The following SCARB2 variants were observed in gnomAD, a reference collection of about 807,000 sequenced individuals.
SCARB2 encodes lysosome membrane protein 2.
A neutral mutation model predicts 58.6 loss-of-function variants in SCARB2; 29 were observed. The observed-to-expected ratio is 0.49, with a 90% confidence interval of 0.37 to 0.67. SCARB2 has a LOEUF of 0.67. Ranked by LOEUF, SCARB2 falls within the 30% of genes least tolerant of loss-of-function variation. SCARB2 has a pLI of 0.00. For missense variants in SCARB2, 488 were observed against 578.5 expected (o/e 0.84, Z 1.60); for synonymous variants, 195 against 210.1 (o/e 0.93, Z 0.62).
In SCARB2 at chr4:76,171,894, A is replaced by G. The variant is rs28682558; in HGVS notation, c.995-1909T>C. On this transcript the variant is annotated intron_variant, in intron 7 of 11. Coordinates refer to ENST00000264896, the MANE Select transcript of SCARB2 (RefSeq NM_005506.4). ...TGGAAATCAGCTGGAGTACTTGTTA[A>G]AAGTGTAGATTCTGGGGCCCTGGTA... is the stretch of plus-strand genomic sequence containing the variant. 1.8e-3 allele frequency among the ~76,000 whole-genome samples: 278 copies of G among 152,170 alleles called. 1 individual carries two copies. The highest frequency in any genetic ancestry group is 6.3e-3 in the African/African-American group (263 of 41,516).
chr4:76,162,584 C>A (rs1731921771), intron 11 of SCARB2: 1 of 156,204 alleles, frequency 6.4e-6, no homozygotes, highest in African/African-American at 2.4e-5. Context: ...ATTTATTATG[C>A]AGTGATACCT....
At chr4:76,170,199 C>T (rs1303820416) in intron 7 of SCARB2, among the ~76,000 whole-genome samples, 2 of 152,040 alleles carry the variant, frequency 1.3e-5, no homozygotes, top group African/African-American at 2.4e-5. Context: ...TTTTTTATTC[C>T]ACATTATATA....
At chr4:76,173,315 C>G (rs915868636) in intron 7 of SCARB2, 1 of 121,938 alleles carries the variant, frequency 8.2e-6, no homozygotes, top group East Asian at 2.3e-4. Flanking sequence ...GAGTTGTCCA[C>G]TTTTTCTTTT....
chr4:76,179,968 A>G (rs1166050043), intron 3 of SCARB2: 5 of 494,320 alleles, frequency 1.0e-5, no homozygotes, highest in African/African-American at 7.8e-5. Context: ...AGACACCACA[A>G]AAGGGGAAAA....
chr4:76,162,849 T>C (rs1162337898), intron 11 of SCARB2: 2 of 421,554 alleles, frequency 4.7e-6, no homozygotes, highest in African/African-American at 4.0e-5. Context: ...TAGGGTCGTA[T>C]AGCTGTTAAG....
chr4:76,207,438 G>A (rs541345486), intron 1 of SCARB2, among the ~76,000 whole-genome samples: 2 of 152,300 alleles, frequency 1.3e-5, no homozygotes, highest in East Asian at 1.9e-4. Context: ...CTTGTTTAGT[G>A]TTATATCCAT....
intron 11 of SCARB2, chr4:76,162,832 C>G (rs1049641510): frequency 4.1e-5 from 14 of 345,562 alleles, no homozygotes; most frequent in Non-Finnish European, 7.4e-5. Flanking sequence ...AACTGAAGCA[C>G]AGTTTCTAGG....
Position 76,201,065 on chromosome 4 carries a change from G to T in SCARB2, c.118-5201C>A, listed in dbSNP as rs528203104. Among the ~76,000 whole-genome samples, 8 of 152,300 alleles carry T rather than the reference G, an allele frequency of 5.3e-5. No homozygotes were observed. In the East Asian group the frequency reaches 1.2e-3, roughly 22 times the overall value. Reference sequence around the variant, plus strand: ...GTGATCTGATGCAACTGCGTCACCTGTCGCTGTCTTTTCCTGGTAGGCACT... The same window carrying T: ...GTGATCTGATGCAACTGCGTCACCTTTCGCTGTCTTTTCCTGGTAGGCACT... On this transcript the variant is annotated intron_variant, in intron 1 of 11. Transcript: ENST00000264896.
rs1464448034 is a variant in SCARB2, at chr4:76,213,478, C to T, written c.66G>A (p.Thr22=). 1.9e-6 allele frequency: 3 copies of T among 1,610,922 alleles called. No homozygotes were observed. The African/African-American group carries it at 4.0e-5, about 22-fold the overall frequency. The change falls in exon 1 of 12, where the codon ACG becomes ACA. Residue 22 remains threonine (T), a synonymous_variant. Coordinates refer to ENST00000264896, the MANE Select transcript of SCARB2 (RefSeq NM_005506.4). ...LSLLLLVTSV[T]LLVARVFQKA... is the part of the protein sequence containing the mutation. ...TCTGGAAGACCCGGGCCACCAGCAG[C>T]GTGACGCTGGTCACCAGCAGGAGCA... is the stretch of plus-strand genomic sequence containing the variant.
intron 8 of SCARB2, among the ~76,000 whole-genome samples, chr4:76,168,831 G>A (rs558256616): frequency 6.6e-6 from 1 of 152,354 alleles, no homozygotes; most frequent in African/African-American, 2.4e-5. Context: ...AGGCCTAAAA[G>A]ATAGCCTGTC....
chr4:76,218,441 C>T (rs1202053583), upstream of SCARB2, among the ~76,000 whole-genome samples: 2 of 152,220 alleles, frequency 1.3e-5, no homozygotes, highest in African/African-American at 4.8e-5. Flanking sequence ...TATTATATCA[C>T]ATGCACCTGT....
chr4:76,211,031 G>A (rs1733033403), intron 1 of SCARB2, among the ~76,000 whole-genome samples: 1 of 152,138 alleles, frequency 6.6e-6, no homozygotes, highest in Non-Finnish European at 1.5e-5. Flanking sequence ...AGTAATACTA[G>A]TGGCAATAAA....
At chr4:76,194,369 T>TAAC (rs1732666164) in intron 2 of SCARB2, 2 of 152,182 alleles carry the variant, frequency 1.3e-5, no homozygotes. Flanking sequence ...ACTTTATACA[T>TAAC]GACTCATTGA....
intron 8 of SCARB2, 76 bp downstream of exon 8, chr4:76,169,791 T>C (rs1732091550): frequency 8.4e-7 from 1 of 1,195,876 alleles, no homozygotes; most frequent in Non-Finnish European, 1.2e-6. Flanking sequence ...TAAAGAAGGC[T>C]CAGGACTAAA....
chr4:76,181,206 AAT>A (rs1260928210), intron 2 of SCARB2, 105 bp from the exon 3 acceptor site: 8 of 1,160,710 alleles, frequency 6.9e-6, no homozygotes, highest in Non-Finnish European at 8.8e-6. Flanking sequence ...TAACATTCCC[AAT>A]ATAACATTAT....
At chr4:76,223,399 C>T (rs1225850220) in intron 1 of SCARB2, among the ~76,000 whole-genome samples, 1 of 152,142 alleles carries the variant, frequency 6.6e-6, no homozygotes, top group African/African-American at 2.4e-5. Context: ...AGCCAGAAGT[C>T]TAACTTTGAG....
At chr4:76,190,735 G>A (rs1172635436) in intron 2 of SCARB2, among the ~76,000 whole-genome samples, 7 of 152,166 alleles carry the variant, frequency 4.6e-5, no homozygotes, top group African/African-American at 1.7e-4. Flanking sequence ...AGTGAGCCAA[G>A]ATCGCGCCAC....
At chr4:76,179,491 G>A in intron 4 of SCARB2, 26 bp downstream of exon 4, 1 of 1,557,076 alleles carries the variant, frequency 6.4e-7, no homozygotes, top group South Asian at 1.1e-5. Context: ...TAAAAAAAGA[G>A]GTTCTGAAAA....
intron 1 of SCARB2, among the ~76,000 whole-genome samples, chr4:76,220,611 A>G (rs985950292): frequency 3.3e-5 from 5 of 152,222 alleles, no homozygotes; most frequent in Non-Finnish European, 7.3e-5. Flanking sequence ...TGACAGAGCT[A>G]GATCCTGTCT....
Sources: gnomAD v4.1 joint callset for allele counts (sites outside exome capture counted in the v4.1 genomes callset) on GRCh38, gnomAD v4.1.1 for gene constraint, MANE v1.5 for transcripts, NCBI Gene and HGNC (gene_info 2026-07-23, HGNC 2026-07-21) for gene names.